Variants in SGMS1 observed in about 807,000 individuals in gnomAD.
The protein encoded by SGMS1 is sphingomyelin synthase 1, also known as phosphatidylcholine:ceramide cholinephosphotransferase 1.
In SGMS1, 13 loss-of-function variants were observed where a neutral mutation model predicts 46.2. The observed-to-expected ratio is 0.28, with a 90% confidence interval of 0.18 to 0.45. SGMS1 has a LOEUF of 0.45. Ranked by LOEUF, SGMS1 falls within the 20% of genes least tolerant of loss-of-function variation. SGMS1 has a pLI of 1.00. For synonymous variants in SGMS1, 203 were observed against 187.8 expected, an observed-to-expected ratio of 1.08 and a Z score of -0.66; for missense variants, 324 against 519.9, an observed-to-expected ratio of 0.62 and a Z score of 3.66.
At chr10:50,347,410 A>G (rs1184548431) in intron 6 of SGMS1, among the ~76,000 whole-genome samples, 2 of 152,174 alleles carry the variant, frequency 1.3e-5, no homozygotes, top group Non-Finnish European at 2.9e-5. Flanking sequence ...ACCAAAGTAC[A>G]TCTCTGACTG....
At chr10:50,606,779 A>G (rs1838700791) in intron 1 of SGMS1, among the ~76,000 whole-genome samples, 1 of 152,170 alleles carries the variant, frequency 6.6e-6, no homozygotes, top group African/African-American at 2.4e-5. Flanking sequence ...TGATATGAAC[A>G]AGGCATTATA....
intron 1 of SGMS1, among the ~76,000 whole-genome samples, chr10:50,595,843 G>C (rs1477998313): frequency 6.6e-6 from 1 of 152,194 alleles, no homozygotes; most frequent in Non-Finnish European, 1.5e-5. Flanking sequence ...GGCAGAGTGG[G>C]TGCCGATAAG....
At chr10:50,611,643 C>G (rs943105128) in intron 1 of SGMS1, among the ~76,000 whole-genome samples, 8 of 152,212 alleles carry the variant, frequency 5.3e-5, no homozygotes, top group Non-Finnish European at 5.9e-5. Flanking sequence ...CTGACTTGGG[C>G]TGAAGGCCGT....
At chr10:50,409,823 A>G (rs973343898) in intron 6 of SGMS1, among the ~76,000 whole-genome samples, 2 of 152,218 alleles carry the variant, frequency 1.3e-5, no homozygotes, top group Non-Finnish European at 2.9e-5. Flanking sequence ...AAAAAGGACA[A>G]TTATATAGGA....
At position 50,573,119 on chromosome 10, in the gene SGMS1, A is replaced by G. The variant is rs975073200; in HGVS notation, c.-589+17034T>C. On this transcript the variant is annotated intron_variant, in intron 2 of 10. Transcript: ENST00000361781. ...TAAGGGTCATACATGAAAAGCCCAT[A>G]GCTAACATCATACTCAATGGAGAAA... 5.3e-5 allele frequency among the ~76,000 whole-genome samples: 8 copies of G among 152,230 alleles called. No individual in the cohort carries two copies. The South Asian group carries it at 1.7e-3, about 31-fold the overall frequency.
intron 6 of SGMS1, among the ~76,000 whole-genome samples, chr10:50,376,415 C>T (rs752837912): frequency 2.0e-5 from 3 of 152,098 alleles, no homozygotes; most frequent in Non-Finnish European, 4.4e-5. Flanking sequence ...AAGAGATTCC[C>T]CCAGATTCTA....
chr10:50,345,315 C>T (rs1847898928), intron 6 of SGMS1, among the ~76,000 whole-genome samples: 1 of 152,086 alleles, frequency 6.6e-6, no homozygotes, highest in Non-Finnish European at 1.5e-5. Context: ...AATTAAGGAT[C>T]TGATCCAACT....
intron 1 of SGMS1, among the ~76,000 whole-genome samples, chr10:50,622,323 G>A (rs919676055): frequency 1.3e-5 from 2 of 152,106 alleles, no homozygotes; most frequent in East Asian, 1.9e-4. Context: ...CATCTGGGCA[G>A]CTCTAGGCAA....
In SGMS1 at chr10:50,344,003, T is replaced by G; in HGVS notation, c.112A>C (p.Asn38His). The change falls in exon 7 of 11, where the codon AAC (asparagine) becomes CAC (histidine). Residue 38 changes from asparagine (N) to histidine (H), a missense_variant. Asn to His is a moderately conservative substitution (Grantham distance 68). Coordinates refer to ENST00000361781, the MANE Select transcript of SGMS1 (RefSeq NM_147156.4). The stretch of plus-strand genomic sequence containing the variant: ...TTTTTGAAATCCTCTTGGGTTAGGT[T>G]GATCAAGTCCTGGCCTGTGAAATGC... ...LEHFTGQDLI[N>H]LTQEDFKKPP... is the part of the protein sequence containing the mutation. 1 of 1,614,186 alleles carries G rather than the reference T, an allele frequency of 6.2e-7. No individual in the cohort carries two copies.
chr10:50,581,610 C>T (rs527477222), intron 2 of SGMS1, among the ~76,000 whole-genome samples: 14 of 152,262 alleles, frequency 9.2e-5, no homozygotes, highest in African/African-American at 3.4e-4. Context: ...TCCTAAGGAG[C>T]TAAGAACAAA....
rs140795518 is a variant in SGMS1, at chr10:50,430,943, G to A, written c.-232+2533C>T. ...TTTGTTGATATGAACATAATGCAAC[G>A]CTATAAAATTTGCGCATCTAAAGAC... On this transcript the variant is annotated intron_variant, in intron 6 of 10. Transcript: ENST00000361781. 4.7e-3 allele frequency among the ~76,000 whole-genome samples: 708 copies of A among 151,900 alleles called. 7 individuals are homozygous for A. Among genetic ancestry groups the A allele is most frequent in the South Asian group, 0.033 (158 of 4,802 alleles).
intron 6 of SGMS1, chr10:50,418,433 GT>G: frequency 6.6e-6 from 1 of 152,632 alleles, no homozygotes; most frequent in Non-Finnish European, 1.5e-5. Context: ...GCAGCAGAGG[GT>G]TTTTGGAATG....
chr10:50,617,158 T>C (rs1318337823), intron 1 of SGMS1, among the ~76,000 whole-genome samples: 1 of 152,174 alleles, frequency 6.6e-6, no homozygotes, highest in Non-Finnish European at 1.5e-5. Flanking sequence ...TGATAAAAAA[T>C]GTTCTGGAAA....
intron 8 of SGMS1, among the ~76,000 whole-genome samples, 198 bp from the exon 9 acceptor site, chr10:50,311,613 T>C (rs956989963): frequency 1.2e-4 from 18 of 152,144 alleles, no homozygotes; most frequent in Admixed American, 3.9e-4. Flanking sequence ...TACAAATGAA[T>C]CACGTGGCTT....
rs147083528 is a variant in SGMS1 at position 50,348,968 on chromosome 10, T to C, written c.-231-4623A>G. Among the ~76,000 whole-genome samples, 238 of 152,228 alleles carry C rather than the reference T, an allele frequency of 1.6e-3. 1 individual carries two copies. Among genetic ancestry groups the C allele is most frequent in the African/African-American group, 5.2e-3 (215 of 41,542 alleles). On this transcript the variant is annotated intron_variant, in intron 6 of 10. Transcript: ENST00000361781. ...AGCATGGTACTGGTACTAAAACAGG[T>C]ATATAGACAATCAACTTTAAAATAG...
chr10:50,491,150 C>T (rs1020889936), intron 3 of SGMS1, among the ~76,000 whole-genome samples: 1 of 151,956 alleles, frequency 6.6e-6, no homozygotes. Context: ...AGTTCAAGAG[C>T]AGCTGGGGAA....
At position 50,311,432 on chromosome 10, in the gene SGMS1, AAAG is replaced by A. The variant is rs1399734884; in HGVS notation, c.742-20_742-18del. On this transcript the variant is annotated intron_variant, in intron 8 of 10. Transcript: ENST00000361781. Reference sequence around the variant, plus strand: ...TCCGAAAAGCTGGCAGAAAAAAAGAAAAGAAGAAAAAGAAGATTCATTACGAGC... The same window carrying A: ...TCCGAAAAGCTGGCAGAAAAAAAGAAAAGAAAAAGAAGATTCATTACGAGC... 6.2e-7 allele frequency: 1 copy of A among 1,609,970 alleles called. No homozygotes were observed. The highest frequency in any genetic ancestry group is 1.1e-5 in the South Asian group (1 of 90,752).
At chr10:50,465,281 G>A (rs1320515893) in intron 4 of SGMS1, among the ~76,000 whole-genome samples, 1 of 152,100 alleles carries the variant, frequency 6.6e-6, no homozygotes, top group Non-Finnish European at 1.5e-5. Flanking sequence ...TCACTCTTAA[G>A]TATGAACAGA....
chr10:50,624,279 G>T, upstream of SGMS1: 1 of 321,242 alleles, frequency 3.1e-6, no homozygotes, highest in Non-Finnish European at 4.5e-6. Context: ...GACGGGAGCC[G>T]CTAGAGCTGG....
Sources: gnomAD v4.1 joint callset for allele counts (sites outside exome capture counted in the v4.1 genomes callset) on GRCh38, gnomAD v4.1.1 for gene constraint, MANE v1.5 for transcripts, NCBI Gene and HGNC (gene_info 2026-07-23, HGNC 2026-07-21) for gene names.